Variants in TMPRSS15 observed in about 807,000 individuals in gnomAD.
TMPRSS15 encodes enteropeptidase.
A neutral mutation model predicts 125.3 loss-of-function variants in TMPRSS15; 128 were observed. The ratio of observed to expected loss-of-function variants is 1.02; its 90% CI spans 0.89 to 1.18. The LOEUF (loss-of-function observed/expected upper bound fraction) is 1.18, where lower values mean the gene tolerates loss of function less well. TMPRSS15 is among the 50% of genes most tolerant of loss of function. The pLI is 0.00. For missense variants in TMPRSS15, 1,283 were observed against 1,212.7 expected, an observed-to-expected ratio of 1.06 and a Z score of -0.86; for synonymous variants, 446 against 423.2, an observed-to-expected ratio of 1.05 and a Z score of -0.66.
chr21:18,400,270 C>A (rs1227120621), intron 1 of TMPRSS15, among the ~76,000 whole-genome samples: 5 of 152,064 alleles, frequency 3.3e-5, no homozygotes, highest in African/African-American at 1.2e-4. Context: ...ATAGTCAAAG[C>A]AATCCTAAGC....
chr21:18,313,022 C>T lies in TMPRSS15; in HGVS notation c.2088G>A (p.Gln696=). ...NNNGLVRFRI[Q]SIWHTACAEN... is the part of the protein sequence containing the mutation. ...CAGCACAAGCTGTATGCCATATGCT[C>T]TGGATTCTGAACCGCACTAAACCAT... Residue 696 remains glutamine, a synonymous_variant, in exon 18 of 25, where the codon CAG becomes CAA. Transcript: ENST00000284885. 1.2e-6 allele frequency: 2 copies of T among 1,613,992 alleles called. No homozygotes were observed. Among genetic ancestry groups the T allele is most frequent in the African/African-American group, 1.3e-5 (1 of 75,010 alleles).
intron 3 of TMPRSS15, among the ~76,000 whole-genome samples, chr21:18,397,531 A>G (rs1364591097): frequency 6.6e-6 from 1 of 152,158 alleles, no homozygotes; most frequent in Non-Finnish European, 1.5e-5. Flanking sequence ...TATTTATAGT[A>G]TAAATGAAGC....
At chr21:18,321,479 A>G (rs553432683) in intron 16 of TMPRSS15, among the ~76,000 whole-genome samples, 1 of 145,948 alleles carries the variant, frequency 6.9e-6, no homozygotes, top group East Asian at 2.1e-4. Flanking sequence ...CAGCCTTCCC[A>G]GTAGCTGGGA....
At chr21:18,364,013 G>A (rs1403221153) in intron 7 of TMPRSS15, among the ~76,000 whole-genome samples, 4 of 152,206 alleles carry the variant, frequency 2.6e-5, no homozygotes, top group Admixed American at 2.6e-4. Context: ...TGCCAAGTAA[G>A]TGTGTATAGA....
At chr21:18,376,242 T>C (rs951916232) in intron 5 of TMPRSS15, among the ~76,000 whole-genome samples, 5 of 151,710 alleles carry the variant, frequency 3.3e-5, no homozygotes, top group Admixed American at 2.0e-4. Context: ...ACTATGTCTT[T>C]TCAATCCAAA....
chr21:18,317,476 G>A (rs573144932), intron 16 of TMPRSS15, among the ~76,000 whole-genome samples: 17 of 152,134 alleles, frequency 1.1e-4, no homozygotes, highest in African/African-American at 3.9e-4. Flanking sequence ...GTGCTATCCA[G>A]CAAACCAAGT....
At chr21:18,408,509 C>G (rs1444175604), upstream of TMPRSS15, among the ~76,000 whole-genome samples, 1 of 152,120 alleles carries the variant, frequency 6.6e-6, no homozygotes. Flanking sequence ...AATGAACACT[C>G]CTAGGATTGA....
intron 1 of TMPRSS15, among the ~76,000 whole-genome samples, chr21:18,430,510 G>A (rs2076214301): frequency 6.6e-6 from 1 of 151,842 alleles, no homozygotes; most frequent in Admixed American, 6.6e-5. Flanking sequence ...AACCAAAACT[G>A]GGCATTTTTC....
At chr21:18,378,886 G>A (rs1196154419) in intron 5 of TMPRSS15, among the ~76,000 whole-genome samples, 1 of 152,092 alleles carries the variant, frequency 6.6e-6, no homozygotes. Context: ...TTGGCCACAA[G>A]TGCTGTGTTA....
Position 18,343,650 on chromosome 21 carries a change from A to G in TMPRSS15, c.1284T>C (p.His428=). ...ATTTATGGACATTTTCACCATACAT[A>G]TGATACCTAGTTTGGAAAGAAGCAA... The part of the protein sequence containing the change: ...LEPACLSFWY[H]MYGENVHKLS... The change falls in exon 12 of 25, where the codon CAT becomes CAC. Residue 428 remains histidine (H), a synonymous_variant. Transcript: ENST00000284885. The G allele has an allele frequency of 6.2e-7, 1 of 1,613,520 alleles. No individual in the cohort carries two copies. The highest frequency in any genetic ancestry group is 1.1e-5 in the South Asian group (1 of 91,062).
intron 1 of TMPRSS15, among the ~76,000 whole-genome samples, chr21:18,432,949 T>A (rs980320601): frequency 3.3e-5 from 5 of 152,190 alleles, no homozygotes; most frequent in Non-Finnish European, 7.3e-5. Context: ...GAGAGTTAAC[T>A]ATTTTTGTCA....
chr21:18,420,489 C>G (rs1020377663), intron 1 of TMPRSS15, among the ~76,000 whole-genome samples: 1 of 152,092 alleles, frequency 6.6e-6, no homozygotes, highest in African/African-American at 2.4e-5. Context: ...TTAAATTAAC[C>G]ACTAGCCATA....
At chr21:18,480,068 A>G (rs890243962) in intron 1 of TMPRSS15, among the ~76,000 whole-genome samples, 1 of 152,048 alleles carries the variant, frequency 6.6e-6, no homozygotes, top group Non-Finnish European at 1.5e-5. Context: ...ATGAAAAAGG[A>G]TGAGTTCATG....
intron 1 of TMPRSS15, among the ~76,000 whole-genome samples, chr21:18,442,639 TG>T (rs1241480193): frequency 6.6e-6 from 1 of 152,210 alleles, no homozygotes; most frequent in Non-Finnish European, 1.5e-5. Context: ...CCGGTAAGTT[TG>T]GGACAGTTTA....
At chr21:18,395,277 A>T (rs1431337583) in intron 3 of TMPRSS15, among the ~76,000 whole-genome samples, 1 of 152,200 alleles carries the variant, frequency 6.6e-6, no homozygotes, top group African/African-American at 2.4e-5. Context: ...TGTCTTGAGT[A>T]CTTTTTTAAT....
chr21:18,414,497 T>C (rs2076175473), intron 1 of TMPRSS15, among the ~76,000 whole-genome samples: 1 of 152,230 alleles, frequency 6.6e-6, no homozygotes, highest in Non-Finnish European at 1.5e-5. Context: ...TTTATACATA[T>C]CGAATTCTTC....
chr21:18,409,044 T>C (rs2076159308), intron 1 of TMPRSS15, among the ~76,000 whole-genome samples: 1 of 152,160 alleles, frequency 6.6e-6, no homozygotes, highest in African/African-American at 2.4e-5. Flanking sequence ...CATGAGTTCA[T>C]TCATATGTGA....
At chr21:18,434,630 C>T (rs550127843) in intron 1 of TMPRSS15, among the ~76,000 whole-genome samples, 1 of 152,118 alleles carries the variant, frequency 6.6e-6, no homozygotes, top group East Asian at 1.9e-4. Flanking sequence ...AACATAACTG[C>T]TTTGTAAGCT....
chr21:18,326,639 C>T lies in TMPRSS15; in HGVS notation c.1781-67G>A. 39 of 1,592,636 alleles carry T rather than the reference C, an allele frequency of 2.4e-5. 1 individual carries two copies. In the South Asian group the frequency reaches 4.2e-4, roughly 17 times the overall value. On this transcript the variant is annotated intron_variant, in intron 15 of 24. Coordinates refer to ENST00000284885, the MANE Select transcript of TMPRSS15 (RefSeq NM_002772.3). ...TGGATCTAGAAGGAAATGTACCCCA[C>T]ATCTCAGTTCCCTCTGCCAGACGTA...
Sources: gnomAD v4.1 joint callset for allele counts (sites outside exome capture counted in the v4.1 genomes callset) on GRCh38, gnomAD v4.1.1 for gene constraint, MANE v1.5 for transcripts, NCBI Gene and HGNC (gene_info 2026-07-23, HGNC 2026-07-21) for gene names.